The following KNDC1 variants were observed in gnomAD, a reference collection of about 807,000 sequenced individuals.
The protein encoded by KNDC1 is kinase non-catalytic C-lobe domain containing 1.
A neutral mutation model predicts 172.8 loss-of-function variants in KNDC1; 106 were observed. The observed-to-expected ratio is 0.61, with a 90% CI of 0.52 to 0.72. The LOEUF (loss-of-function observed/expected upper bound fraction) is 0.72. Ranked by LOEUF, KNDC1 falls within the 30% of genes least tolerant of loss-of-function variation. The pLI is 0.00. For missense variants in KNDC1, 2,325 were observed against 2,394.5 expected (o/e 0.97, Z 0.61); for synonymous variants, 1,083 against 1,062.2 (o/e 1.02, Z -0.38).
chr10:133,218,427 G>A (rs1286751798), intron 26 of KNDC1, among the ~76,000 whole-genome samples: 1 of 152,162 alleles, frequency 6.6e-6, no homozygotes, highest in Non-Finnish European at 1.5e-5. Context: ...GCAGCGGGTT[G>A]GGGGGTGGGC....
chr10:133,183,082 G>A lies in KNDC1; in HGVS notation c.361-262G>A, dbSNP rs1014536621. Among the ~76,000 whole-genome samples, 9 of 150,248 alleles carry A rather than the reference G, an allele frequency of 6.0e-5. No homozygotes were observed. The East Asian group carries it at 1.6e-3, about 27-fold the overall frequency. On this transcript the variant is annotated intron_variant, in intron 3 of 29. Transcript: ENST00000304613. Reference sequence around the variant, plus strand: ...AGGAGGGTGTGGGCGGCGTGGGCACGGGCAGTGTGGACGTGGGTGGCGGCA... The same window carrying A: ...AGGAGGGTGTGGGCGGCGTGGGCACAGGCAGTGTGGACGTGGGTGGCGGCA...
intron 1 of KNDC1, among the ~76,000 whole-genome samples, chr10:133,164,918 C>G (rs867311073): frequency 6.6e-6 from 1 of 152,012 alleles, no homozygotes; most frequent in African/African-American, 2.4e-5. Context: ...GCCTGTCTGA[C>G]CCCCCCTTGC....
In KNDC1 at chr10:133,203,834, C is replaced by T. The variant is rs554760457; in HGVS notation, c.3387+1936C>T. On this transcript the variant is annotated intron_variant, in intron 17 of 29. Transcript: ENST00000304613. Reference sequence around the variant, plus strand: ...TCAAGACCGTCCTCCTCATGGAGTCCGCCTGTGGTTCCCGCGTGAGGAGCG... The same window carrying T: ...TCAAGACCGTCCTCCTCATGGAGTCTGCCTGTGGTTCCCGCGTGAGGAGCG... 2.0e-3 allele frequency among the ~76,000 whole-genome samples: 301 copies of T among 152,326 alleles called. 4 individuals carry two copies. The highest frequency in any genetic ancestry group is 6.8e-3 in the African/African-American group (284 of 41,562).
rs10857686 is a variant in KNDC1, at chr10:133,209,947, G to C, written c.3795-664G>C. Among the ~76,000 whole-genome samples, 82,810 of 151,912 alleles carry C rather than the reference G, an allele frequency of 0.55. 22,594 individuals are homozygous for C. Among genetic ancestry groups the C allele is most frequent in the East Asian group, 0.62 (3,200 of 5,136 alleles). Reference sequence around the variant, plus strand: ...CTGGTCAGTGTCTCCTGAGGGTGGCGCGGTTTCACCCAGTGAAGACCCAGA... The same window carrying C: ...CTGGTCAGTGTCTCCTGAGGGTGGCCCGGTTTCACCCAGTGAAGACCCAGA... On this transcript the variant is annotated intron_variant, in intron 20 of 29. Coordinates refer to ENST00000304613, the MANE Select transcript of KNDC1 (RefSeq NM_152643.8). The surrounding 1 kb of genome is among the most constrained non-coding windows in gnomAD (Gnocchi z 4.9).
chr10:133,201,550 AC>A lies in KNDC1; in HGVS notation c.3042del (p.Thr1015ProfsTer26). 6.2e-7 allele frequency: 1 copy of A among 1,611,366 alleles called. No homozygotes were observed. Among genetic ancestry groups the A allele is most frequent in the Non-Finnish European group, 8.5e-7 (1 of 1,179,508 alleles). On this transcript the variant is annotated frameshift_variant, in exon 17 of 30. Coordinates refer to ENST00000304613, the MANE Select transcript of KNDC1 (RefSeq NM_152643.8). LOFTEE classifies it high-confidence loss of function. The part of the protein sequence containing the change: ...ARTSSRAPCS[P>X]TSVSDVDSDA... ...GGACCAGCAGCAGGGCCCCCTGCTC[AC>A]CCACCTCGGTGTCGGATGTGGACTC... is the stretch of plus-strand genomic sequence containing the variant.
Position 133,177,947 on chromosome 10 carries a change from G to A in KNDC1, c.361-5397G>A, listed in dbSNP as rs367939975. ...ATGTAGTGTGTTATGTCACGGACAC[G>A]TGTAGCATGATGTATGTGTGTAGCG... On this transcript the variant is annotated intron_variant, in intron 3 of 29. Coordinates refer to ENST00000304613, the MANE Select transcript of KNDC1 (RefSeq NM_152643.8). Among the ~76,000 whole-genome samples the A allele has an allele frequency of 8.8e-3, 1,311 of 149,480 alleles. 9 individuals carry two copies. Among genetic ancestry groups the A allele is most frequent in the Non-Finnish European group, 0.015 (1,001 of 67,506 alleles).
intron 28 of KNDC1, among the ~76,000 whole-genome samples, chr10:133,219,734 G>A (rs1358740168): frequency 6.6e-6 from 1 of 152,240 alleles, no homozygotes; most frequent in East Asian, 1.9e-4. Context: ...ACCTCCCAGC[G>A]GCTGTCAGGG....
chr10:133,198,923 A>C lies in KNDC1; in HGVS notation c.2415A>C (p.Gly805=). The C allele has an allele frequency of 6.3e-7, 1 of 1,575,120 alleles. No individual in the cohort carries two copies. The highest frequency in any genetic ancestry group is 8.6e-7 in the Non-Finnish European group (1 of 1,165,202). ...GGCCGGCTGAGCCGATCCCACCTGGAGTTGCTTCCGGGGGCCTCAGGCCCG... is the reference window on the plus strand; with the variant it reads ...GGCCGGCTGAGCCGATCCCACCTGGCGTTGCTTCCGGGGGCCTCAGGCCCG... ...EQGPAEPIPP[G]VASGGLRPDA... is the part of the protein sequence containing the mutation. The change falls in exon 14 of 30, where the codon GGA becomes GGC. Residue 805 remains glycine, a synonymous_variant. Transcript: ENST00000304613.
intron 3 of KNDC1, among the ~76,000 whole-genome samples, chr10:133,170,512 T>G (rs1853344049): frequency 6.6e-6 from 1 of 152,214 alleles, no homozygotes; most frequent in Admixed American, 6.5e-5. Context: ...GCCTCTCCAG[T>G]GAAGCTTTAT....
At position 133,195,723 on chromosome 10, in the gene KNDC1, A is replaced by G. The variant is rs146093427; in HGVS notation, c.1636A>G (p.Asn546Asp). Residue 546 changes from asparagine (N) to aspartate (D), a missense_variant, in exon 10 of 30, where the codon AAC becomes GAC. Asn to Asp is a conservative substitution (Grantham distance 23). Transcript: ENST00000304613. ...CGCAGCCAAGTTCAGCGTCCCCCGC[A>G]ACCACAAGCTGGCCCTGCCACGCAG... ...WTAAKFSVPR[N>D]HKLALPRRLK... The G allele has an allele frequency of 1.5e-4, 242 of 1,612,550 alleles. 3 individuals are homozygous for G. Among genetic ancestry groups the G allele is most frequent in the Admixed American group, 1.3e-4 (8 of 59,926 alleles).
Position 133,186,109 on chromosome 10 carries a change from C to T in KNDC1, c.761C>T (p.Pro254Leu). Reference protein sequence around the residue: ...EGPESETSRGPRASPTKALLS... With the variant: ...EGPESETSRGLRASPTKALLS... ...CCGGAGTCTGAGACGAGCCGGGGCC[C>T]CAGAGCCTCCCCAACCAAGGCTCTG... The change falls in exon 6 of 30, where the codon CCC (proline) becomes CTC (leucine). Residue 254 changes from proline to leucine, a missense_variant. Transcript: ENST00000304613. 6.3e-7 allele frequency: 1 copy of T among 1,597,732 alleles called. No homozygotes were observed. Among genetic ancestry groups the T allele is most frequent in the Non-Finnish European group, 8.5e-7 (1 of 1,173,134 alleles).
chr10:133,208,801 C>T (rs1337101616), intron 20 of KNDC1, among the ~76,000 whole-genome samples: 1 of 152,092 alleles, frequency 6.6e-6, no homozygotes, highest in Admixed American at 6.5e-5. Flanking sequence ...GGTGTGTGTG[C>T]ATGTGTGGTG....
chr10:133,174,632 G>C (rs928777023), intron 3 of KNDC1, among the ~76,000 whole-genome samples: 2 of 152,042 alleles, frequency 1.3e-5, no homozygotes, highest in African/African-American at 4.8e-5. Flanking sequence ...GGATAGGTGG[G>C]TGGATGGGCA....
At chr10:133,186,726 C>T (rs764143392) in intron 6 of KNDC1, 52 bp downstream of exon 6, 26 of 1,332,786 alleles carry the variant, frequency 2.0e-5, no homozygotes, top group East Asian at 2.4e-5. Context: ...TCAGTGAGTC[C>T]GGGGCCGGGC....
Position 133,160,578 on chromosome 10 carries a change from C to A in KNDC1, c.102+9C>A. 6.4e-7 allele frequency: 1 copy of A among 1,556,028 alleles called. No homozygotes were observed. Among genetic ancestry groups the A allele is most frequent in the Non-Finnish European group, 8.7e-7 (1 of 1,150,314 alleles). On this transcript the variant is annotated intron_variant, in intron 1 of 29. Coordinates refer to ENST00000304613, the MANE Select transcript of KNDC1 (RefSeq NM_152643.8). ...CCCTCCCCGAGGACGAGGTGAGCCC[C>A]CGGCCCCACTGGGGGGCCCCTTCCG...
intron 6 of KNDC1, 58 bp downstream of exon 6, chr10:133,186,732 C>CGG (rs1282384578): frequency 3.2e-6 from 4 of 1,257,798 alleles, no homozygotes; most frequent in Non-Finnish European, 4.4e-6. Context: ...AGTCCGGGGC[C>CGG]GGGCCTCTCC....
At chr10:133,170,221 G>C (rs574558869) in intron 3 of KNDC1, among the ~76,000 whole-genome samples, 1 of 152,334 alleles carries the variant, frequency 6.6e-6, no homozygotes, top group South Asian at 2.1e-4. Flanking sequence ...TCTCTAGGGT[G>C]CATGCCCAGG....
Position 133,167,124 on chromosome 10 carries a change from G to A in KNDC1, c.103-257G>A, listed in dbSNP as rs55857171. ...GCCGAGCCTCCGGGAGGAAGGCCCC[G>A]TGCCCAGGCTCCAGGAGCCGACACC... On this transcript the variant is annotated intron_variant, in intron 1 of 29. Transcript: ENST00000304613. The A allele has an allele frequency of 5.3e-3, 2,841 of 533,320 alleles. 21 individuals carry two copies. The highest frequency in any genetic ancestry group is 0.024 in the African/African-American group (1,287 of 52,698). 33.0% of individuals were successfully genotyped at this position (533,320 alleles called of 1,614,324 possible). A position where few individuals can be genotyped will look rare whatever the true frequency, so the allele number is the denominator to read the frequency against.
At chr10:133,222,802 T>C (rs78479921) in intron 29 of KNDC1, among the ~76,000 whole-genome samples, 2 of 6,814 alleles carry the variant, frequency 2.9e-4, no homozygotes, top group Admixed American at 2.1e-3. Context: ...CTCTTCCCAG[T>C]GTGTGTGTGT....
Sources: gnomAD v4.1 joint callset for allele counts (sites outside exome capture counted in the v4.1 genomes callset) on GRCh38, gnomAD v4.1.1 for gene constraint, Gnocchi (gnomAD v3.1) non-coding constraint, MANE v1.5 for transcripts, NCBI Gene and HGNC (gene_info 2026-07-23, HGNC 2026-07-21) for gene names.